Variants in SNRNP70 observed in about 807,000 individuals in gnomAD.
The protein encoded by SNRNP70 is small nuclear ribonucleoprotein U1 subunit 70.
A neutral mutation model predicts 50.5 loss-of-function variants in SNRNP70; 8 were observed. That is an observed-to-expected ratio of 0.16 (90% CI 0.09 to 0.29). SNRNP70 has a LOEUF of 0.29. Among genes scored for constraint, SNRNP70 ranks in the 10% least tolerant of loss-of-function variants. The pLI, the probability that SNRNP70 is intolerant of heterozygous loss-of-function variation, is 1.00. For missense variants in SNRNP70, 529 were observed against 663.5 expected, an observed-to-expected ratio of 0.80 and a Z score of 2.23; for synonymous variants, 320 against 252.9, an observed-to-expected ratio of 1.27 and a Z score of -2.52.
chr19:49,090,275 CT>C lies in SNRNP70; in HGVS notation c.148-15del. 1 of 1,612,992 alleles carries C rather than the reference CT, an allele frequency of 6.2e-7. No homozygotes were observed. The highest frequency in any genetic ancestry group is 1.1e-5 in the South Asian group (1 of 91,028). ...CCCAGTCCTTCCCACCCTGTCACCT[CT>C]CTTCTTGTTCCCAGGACCCTCGAGA... On this transcript the variant is annotated splice_polypyrimidine_tract_variant and intron_variant, in intron 2 of 9. Coordinates refer to ENST00000598441, the MANE Select transcript of SNRNP70 (RefSeq NM_003089.6).
At chr19:49,102,472 C>T (rs763848207) in intron 7 of SNRNP70, 29 of 261,792 alleles carry the variant, frequency 1.1e-4, no homozygotes, top group African/African-American at 3.5e-4. Flanking sequence ...GTGATGTCAG[C>T]GGCGAGGTGG....
chr19:49,097,344 TAATA>T (rs1189701368), intron 4 of SNRNP70, among the ~76,000 whole-genome samples: 3 of 152,138 alleles, frequency 2.0e-5, no homozygotes, highest in Admixed American at 6.6e-5. Context: ...TGCAAAATAG[TAATA>T]AATAAATATC....
intron 4 of SNRNP70, among the ~76,000 whole-genome samples, chr19:49,096,928 G>C (rs1308082389): frequency 3.3e-5 from 5 of 151,920 alleles, no homozygotes. Context: ...TCAGGAGTTC[G>C]AGACCAGCCT....
Position 49,107,998 on chromosome 19 carries a change from G to T in SNRNP70, c.869G>T (p.Arg290Leu). Residue 290 changes from arginine to leucine, a missense_variant, in exon 10 of 10, where the codon CGG becomes CTG. Coordinates refer to ENST00000598441, the MANE Select transcript of SNRNP70 (RefSeq NM_003089.6). The surrounding 1 kb of genome is among the most constrained non-coding windows in gnomAD (Gnocchi z 6.0). ...RSKDKDRDRK[R>L]RSSRSRERAR... ...AAGGACAAGGACCGGGACCGGAAGC[G>T]GCGAAGCAGCCGGAGTCGGGAGCGG... 6.5e-7 allele frequency: 1 copy of T among 1,547,934 alleles called. No individual in the cohort carries two copies. The highest frequency in any genetic ancestry group is 8.7e-7 in the Non-Finnish European group (1 of 1,146,146).
chr19:49,105,200 G>A (rs1366501448), intron 8 of SNRNP70, among the ~76,000 whole-genome samples: 3 of 152,098 alleles, frequency 2.0e-5, no homozygotes, highest in Non-Finnish European at 4.4e-5. Flanking sequence ...GCTGTGTGCC[G>A]GGCTTCTAGT....
Position 49,107,976 on chromosome 19 carries a change from G to T in SNRNP70, c.847G>T (p.Asp283Tyr). The T allele has an allele frequency of 6.5e-7, 1 of 1,548,024 alleles. No homozygotes were observed. The highest frequency in any genetic ancestry group is 8.7e-7 in the Non-Finnish European group (1 of 1,146,172). The change falls in exon 10 of 10, where the codon GAC becomes TAC. Residue 283 changes from aspartate to tyrosine, a missense_variant. Around this residue, in one of 4 missense-constraint regions of SNRNP70, gnomAD observed 327 missense variants for 308.8 expected, o/e 1.06. Transcript: ENST00000598441. The surrounding 1 kb of genome is among the most constrained non-coding windows in gnomAD (Gnocchi z 6.0). ...ERRRSRERSK[D>Y]KDRDRKRRSS... ...GAGGCGCTCCAGGGAGCGGAGCAAG[G>T]ACAAGGACCGGGACCGGAAGCGGCG...
At chr19:49,101,523 T>C in intron 7 of SNRNP70, 52 bp downstream of exon 7, 1 of 1,312,932 alleles carries the variant, frequency 7.6e-7, no homozygotes, top group Non-Finnish European at 1.1e-6. Flanking sequence ...ACTTCTCTGC[T>C]GCCCCAGCCC....
rs770855205 is a variant in SNRNP70 at position 49,107,751 on chromosome 19, T to A, written c.665+39T>A. ...ACCGGTGTCCTGGGGTGGGGGGCGG[T>A]CACGGGGGGAGCCCAGCCACACAGG... On this transcript the variant is annotated intron_variant, in intron 9 of 9. Coordinates refer to ENST00000598441, the MANE Select transcript of SNRNP70 (RefSeq NM_003089.6). The surrounding 1 kb of genome is among the most constrained non-coding windows in gnomAD (Gnocchi z 6.0). 79 of 1,611,718 alleles carry A rather than the reference T, an allele frequency of 4.9e-5. 1 individual carries two copies. In the South Asian group the frequency reaches 8.4e-4, roughly 17 times the overall value.
In SNRNP70 at chr19:49,107,792, C is replaced by A; in HGVS notation, c.666-3C>A. The stretch of plus-strand genomic sequence containing the variant: ...GCCACACAGGTCTGCCCACCTCATC[C>A]AGGCCCGGCCCCTCCCCGCTTCCGC... On this transcript the variant is annotated splice_region_variant and splice_polypyrimidine_tract_variant and intron_variant, in intron 9 of 9. Transcript: ENST00000598441. The surrounding 1 kb of genome is among the most constrained non-coding windows in gnomAD (Gnocchi z 6.0). 1 of 1,607,904 alleles carries A rather than the reference C, an allele frequency of 6.2e-7. No individual in the cohort carries two copies. Among genetic ancestry groups the A allele is most frequent in the Admixed American group, 1.7e-5 (1 of 59,328 alleles).
rs1915387015 is a variant in SNRNP70 at position 49,093,881 on chromosome 19, GGC to G, written c.265+3362_265+3363del. Among the ~76,000 whole-genome samples, 3 of 151,212 alleles carry G rather than the reference GGC, an allele frequency of 2.0e-5. No homozygotes were observed. In the South Asian group the frequency reaches 6.3e-4, roughly 32 times the overall value. On this transcript the variant is annotated intron_variant, in intron 4 of 9. Coordinates refer to ENST00000598441, the MANE Select transcript of SNRNP70 (RefSeq NM_003089.6). ...ACAAAAACAAAACAAAACCTAGCCA[GGC>G]ATTGTAGTGGGCTCCTGTAATCCCA...
intron 4 of SNRNP70, 50 bp downstream of exon 4, chr19:49,090,570 A>G (rs563483033): frequency 6.4e-7 from 1 of 1,569,480 alleles, no homozygotes; most frequent in African/African-American, 1.3e-5. Flanking sequence ...AACCCTCTGT[A>G]TTCTTCCCAG....
chr19:49,093,678 CAAAA>C (rs1270724114), intron 4 of SNRNP70, among the ~76,000 whole-genome samples: 1 of 64,186 alleles, frequency 1.6e-5, no homozygotes, highest in Non-Finnish European at 2.8e-5. Context: ...GATTCCATCT[CAAAA>C]AAAAAAAAAA....
intron 6 of SNRNP70, among the ~76,000 whole-genome samples, chr19:49,099,760 A>C (rs2040558787): frequency 7.4e-6 from 1 of 134,592 alleles, no homozygotes; most frequent in South Asian, 2.5e-4. Context: ...AAAGTATTGT[A>C]GGCTGGGCGT....
rs1251827877 is a variant in SNRNP70 at position 49,094,350 on chromosome 19, T to C, written c.265+3830T>C. ...CCTGTCTCAACTGAAAATATAAAAA[T>C]TATCTGGGTGTGGTAGCAGGGGCCT... On this transcript the variant is annotated intron_variant, in intron 4 of 9. Transcript: ENST00000598441. 2.6e-5 allele frequency among the ~76,000 whole-genome samples: 4 copies of C among 151,686 alleles called. No homozygotes were observed. The East Asian group carries it at 7.8e-4, about 30-fold the overall frequency.
chr19:49,088,199 C>CT (rs34075997), intron 2 of SNRNP70, among the ~76,000 whole-genome samples: 10,362 of 94,918 alleles, frequency 0.11, 950 homozygotes, highest in East Asian at 0.18. Flanking sequence ...GAGCCAGGTA[C>CT]TTTTTTTTTT....
At position 49,108,552 on chromosome 19, in the gene SNRNP70, G is replaced by T. The variant is rs1408767162; in HGVS notation, c.*109G>T. 6 of 1,382,124 alleles carry T rather than the reference G, an allele frequency of 4.3e-6. No homozygotes were observed. In the East Asian group the frequency reaches 1.5e-4, roughly 35 times the overall value. The allele number at this position is 1,382,124 out of a possible 1,614,324, so 85.6% of individuals were successfully genotyped here. ...TTGAGTTTGTCCTCCAAGGGTAGGT[G>T]TCTCATTTGTTCTGGCCCCTTGGAT... On this transcript the variant is annotated 3_prime_UTR_variant, in exon 10 of 10. Coordinates refer to ENST00000598441, the MANE Select transcript of SNRNP70 (RefSeq NM_003089.6).
Position 49,104,849 on chromosome 19 carries a change from G to A in SNRNP70, c.577+114G>A, listed in dbSNP as rs528114328. The A allele has an allele frequency of 1.7e-5, 11 of 630,860 alleles. No homozygotes were observed. Among genetic ancestry groups the A allele is most frequent in the South Asian group, 4.1e-5 (2 of 49,150 alleles). The allele number at this position is 630,860 out of a possible 1,614,324, so 39.1% of individuals were successfully genotyped here. ...CTCCTGCCGGCCCACCTCTCCCATCGCGTCCTCATCTCCGGCTTCTCTCTC... is the reference window on the plus strand; with the variant it reads ...CTCCTGCCGGCCCACCTCTCCCATCACGTCCTCATCTCCGGCTTCTCTCTC... On this transcript the variant is annotated intron_variant, in intron 8 of 9. Transcript: ENST00000598441. The surrounding 1 kb of genome is among the most constrained non-coding windows in gnomAD (Gnocchi z 5.4).
chr19:49,093,722 C>T (rs368740467), intron 4 of SNRNP70, among the ~76,000 whole-genome samples: 8 of 145,852 alleles, frequency 5.5e-5, no homozygotes, highest in African/African-American at 1.3e-4. Flanking sequence ...AGGCCAGGCA[C>T]GGAGGCTCAT....
At chr19:49,098,558 AAATAGGCTAGGTAC>A in intron 5 of SNRNP70, 67 bp downstream of exon 5, 1 of 1,597,576 alleles carries the variant, frequency 6.3e-7, no homozygotes, top group South Asian at 1.1e-5. Flanking sequence ...CACAAAGGTC[AAATAGGCTAGGTAC>A]AGGGGAATGT....
Sources: allele counts gnomAD v4.1 joint callset (sites outside exome capture counted in the v4.1 genomes callset), GRCh38; gene constraint gnomAD v4.1.1; regional missense constraint gnomAD v4.1.1; non-coding constraint Gnocchi (gnomAD v3.1); transcripts MANE v1.5; gene names NCBI Gene and HGNC (gene_info 2026-07-23, HGNC 2026-07-21).